The following ADORA2B variants were observed in gnomAD, a reference collection of about 807,000 sequenced individuals.
ADORA2B encodes adenosine A2b receptor, also known as adenosine receptor A2b.
A neutral mutation model predicts 20.8 loss-of-function variants in ADORA2B; 18 were observed. The ratio of observed to expected loss-of-function variants is 0.87; its 90% confidence interval spans 0.60 to 1.29. ADORA2B has a LOEUF of 1.29. Ranked by LOEUF, ADORA2B falls within the 50% of genes most tolerant of loss-of-function variation. The pLI is 0.00. For synonymous variants in ADORA2B, 179 were observed against 178.3 expected (o/e 1.00, Z -0.03); for missense variants, 441 against 422.7 (o/e 1.04, Z -0.38).
chr17:15,957,243 C>T (rs546077801), intron 1 of ADORA2B, among the ~76,000 whole-genome samples: 33 of 152,260 alleles, frequency 2.2e-4, no homozygotes, highest in African/African-American at 7.9e-4. Context: ...AGAGGAGCCA[C>T]AGGTAAAATC....
At chr17:15,921,956 C>T in the ADORA2B span, among the ~76,000 whole-genome samples, 1 of 152,138 alleles carries the variant, frequency 6.6e-6, no homozygotes, top group Non-Finnish European at 1.5e-5. Flanking sequence ...CATGGCTACA[C>T]CTAGCTTCAA....
intron 1 of ADORA2B, among the ~76,000 whole-genome samples, chr17:15,968,653 T>A (rs1433571253): frequency 6.6e-6 from 1 of 152,124 alleles, no homozygotes; most frequent in African/African-American, 2.4e-5. Flanking sequence ...AATGGCAGTT[T>A]GGGGCGAAAT....
chr17:15,904,117 CAA>C, the ADORA2B span, among the ~76,000 whole-genome samples: 1 of 151,306 alleles, frequency 6.6e-6, no homozygotes, highest in African/African-American at 2.4e-5. Context: ...TCTCTTAGCA[CAA>C]AGTTTTAACT....
Position 15,974,865 on chromosome 17 carries a change from G to C in ADORA2B, c.522G>C (p.Glu174Asp). The C allele has an allele frequency of 6.2e-7, 1 of 1,614,170 alleles. No homozygotes were observed. The highest frequency in any genetic ancestry group is 1.1e-5 in the South Asian group (1 of 91,072). ...GCTGCCTTGTGAAGTGTCTCTTTGA[G>C]AATGTGGTCCCCATGAGCTACATGG... ...ESCCLVKCLFENVVPMSYMVY... is the reference protein window; with the variant it reads ...ESCCLVKCLFDNVVPMSYMVY... The change falls in exon 2 of 2, where the codon GAG becomes GAC. Residue 174 changes from glutamate (E) to aspartate (D), a missense_variant. By Grantham distance (45) the Glu-to-Asp change is conservative. Transcript: ENST00000304222.
Position 15,945,209 on chromosome 17 carries a change from G to A in ADORA2B, c.-40G>A, listed in dbSNP as rs931488068. The A allele has an allele frequency of 6.8e-5, 93 of 1,374,548 alleles. No individual in the cohort carries two copies. Among genetic ancestry groups the A allele is most frequent in the Non-Finnish European group, 8.4e-5 (90 of 1,071,568 alleles). 85.1% of individuals were successfully genotyped at this position (1,374,548 alleles called of 1,614,324 possible). A position where few individuals can be genotyped will look rare whatever the true frequency, so the allele number is the denominator to read the frequency against. On this transcript the variant is annotated 5_prime_UTR_variant, in exon 1 of 2. Transcript: ENST00000304222. The stretch of plus-strand genomic sequence containing the variant: ...CACGCGGCTGCCCCTCGCCCGGCGC[G>A]CCTTCGGTAGGGGGCGCCCGGGGCC...
the ADORA2B span, among the ~76,000 whole-genome samples, chr17:15,909,918 C>T: frequency 6.6e-6 from 1 of 152,172 alleles, no homozygotes; most frequent in African/African-American, 2.4e-5. Context: ...GAGCCCTCCC[C>T]AGAGCCGCCC....
intron 1 of ADORA2B, among the ~76,000 whole-genome samples, chr17:15,946,100 G>A (rs1336820509): frequency 2.0e-5 from 3 of 152,246 alleles, no homozygotes; most frequent in African/African-American, 7.2e-5. Flanking sequence ...CGCACCGTCA[G>A]AATGGACACG....
the ADORA2B span, among the ~76,000 whole-genome samples, chr17:15,884,366 A>AAATTG: frequency 6.6e-6 from 1 of 151,298 alleles, no homozygotes; most frequent in African/African-American, 2.4e-5. Flanking sequence ...TGTGACTAAG[A>AAATTG]AATTGAATTT....
chr17:15,969,348 G>A (rs1204779642), intron 1 of ADORA2B, among the ~76,000 whole-genome samples: 5 of 152,162 alleles, frequency 3.3e-5, no homozygotes, highest in African/African-American at 1.2e-4. Flanking sequence ...CAGCTACTCG[G>A]GAGGCTGAGG....
chr17:15,874,058 A>ATG, the ADORA2B span, among the ~76,000 whole-genome samples: 4,719 of 91,230 alleles, frequency 0.052, 235 homozygotes, highest in East Asian at 0.27. Flanking sequence ...ATATATATAT[A>ATG]TGTGTGTGTG....
intron 1 of ADORA2B, among the ~76,000 whole-genome samples, chr17:15,962,691 C>A (rs1223103547): frequency 1.3e-5 from 2 of 152,028 alleles, no homozygotes; most frequent in African/African-American, 4.8e-5. Flanking sequence ...TGCCACCACG[C>A]ATTTTTAGTA....
At chr17:15,895,915 G>A in the ADORA2B span, among the ~76,000 whole-genome samples, 1 of 152,176 alleles carries the variant, frequency 6.6e-6, no homozygotes, top group African/African-American at 2.4e-5. Context: ...AGACCCCTGT[G>A]TAAACCAAGG....
the ADORA2B span, among the ~76,000 whole-genome samples, chr17:15,898,613 C>G: frequency 6.6e-6 from 1 of 152,060 alleles, no homozygotes; most frequent in African/African-American, 2.4e-5. Context: ...GTGATCCACC[C>G]GCCTCAGCCT....
At chr17:15,866,793 G>T in the ADORA2B span, among the ~76,000 whole-genome samples, 1 of 147,222 alleles carries the variant, frequency 6.8e-6, no homozygotes, top group Non-Finnish European at 1.5e-5. Context: ...AGCCAAAGCT[G>T]GACCCTCTGC....
At chr17:15,919,831 C>T in the ADORA2B span, among the ~76,000 whole-genome samples, 1 of 152,160 alleles carries the variant, frequency 6.6e-6, no homozygotes, top group South Asian at 2.1e-4. Flanking sequence ...CCACTTTCTC[C>T]AGCCACTTTT....
the ADORA2B span, among the ~76,000 whole-genome samples, chr17:15,852,442 G>C: frequency 2.6e-5 from 4 of 151,890 alleles, no homozygotes. Context: ...ACATCATCCA[G>C]AACCTCAACT....
Position 15,975,428 on chromosome 17 carries a change from A to G in ADORA2B, c.*86A>G, listed in dbSNP as rs1480824292. ...CTGGTTTTCATTGTGAAAGATAGCTACACCTCACAAGGAAATGGACTGCCT... is the reference window on the plus strand; with the variant it reads ...CTGGTTTTCATTGTGAAAGATAGCTGCACCTCACAAGGAAATGGACTGCCT... On this transcript the variant is annotated 3_prime_UTR_variant, in exon 2 of 2. Coordinates refer to ENST00000304222, the MANE Select transcript of ADORA2B (RefSeq NM_000676.4). 2 of 1,401,100 alleles carry G rather than the reference A, an allele frequency of 1.4e-6. No homozygotes were observed. The highest frequency in any genetic ancestry group is 2.9e-5 in the African/African-American group (2 of 69,962). 86.8% of individuals were successfully genotyped at this position (1,401,100 alleles called of 1,614,324 possible).
intron 1 of ADORA2B, among the ~76,000 whole-genome samples, chr17:15,967,087 T>A (rs2779207): frequency 0.59 from 89,083 of 152,018 alleles, 26,620 homozygotes; most frequent in African/African-American, 0.67. Flanking sequence ...GGAGGGAGAC[T>A]GGCCTGGGGA....
the ADORA2B span, among the ~76,000 whole-genome samples, chr17:15,875,161 C>T: frequency 6.6e-6 from 1 of 152,092 alleles, no homozygotes; most frequent in African/African-American, 2.4e-5. Flanking sequence ...TCTAAGAAAG[C>T]TCTGTGTTCC....
Sources: gnomAD v4.1 joint callset for allele counts (sites outside exome capture counted in the v4.1 genomes callset) on GRCh38, gnomAD v4.1.1 for gene constraint, MANE v1.5 for transcripts, NCBI Gene and HGNC (gene_info 2026-07-23, HGNC 2026-07-21) for gene names.